Variants in TTPA observed in about 807,000 individuals in gnomAD.
TTPA encodes the protein alpha tocopherol transfer protein, also known as alpha-tocopherol transfer protein.
In TTPA, 23 loss-of-function variants were observed where a neutral mutation model predicts 25.9. The ratio of observed to expected loss-of-function variants is 0.89; its 90% CI spans 0.64 to 1.26. The LOEUF is 1.26. Ranked by LOEUF, TTPA falls within the 50% of genes most tolerant of loss-of-function variation. The pLI, the probability that TTPA is intolerant of heterozygous loss-of-function variation, is 0.00. For missense variants in TTPA, 337 were observed against 353.1 expected (o/e 0.95, Z 0.37); for synonymous variants, 148 against 137.3 (o/e 1.08, Z -0.54).
At chr8:63,085,232 G>A (rs546030880) in intron 1 of TTPA, among the ~76,000 whole-genome samples, 2 of 152,262 alleles carry the variant, frequency 1.3e-5, no homozygotes, top group African/African-American at 4.8e-5. Context: ...CTTTCAGTGA[G>A]CTGTAACATA....
Position 63,063,023 on chromosome 8 carries a change from A to G in TTPA, c.663+1183T>C, listed in dbSNP as rs557617239. Reference sequence around the variant, plus strand: ...GAAGCATCCACTGCATAACCTCTAAAGAAGCTCTAGGGTCATAACTTTCTG... The same window carrying G: ...GAAGCATCCACTGCATAACCTCTAAGGAAGCTCTAGGGTCATAACTTTCTG... On this transcript the variant is annotated intron_variant, in intron 4 of 4. Transcript: ENST00000260116. Among the ~76,000 whole-genome samples the G allele has an allele frequency of 1.4e-4, 21 of 152,322 alleles. No individual in the cohort carries two copies. The East Asian group carries it at 3.9e-3, about 28-fold the overall frequency.
chr8:63,083,625 T>TA (rs1478218508), intron 1 of TTPA, among the ~76,000 whole-genome samples: 5 of 137,196 alleles, frequency 3.6e-5, no homozygotes, highest in African/African-American at 1.4e-4. Flanking sequence ...CCCTAAAACT[T>TA]AAAGTATAAT....
At chr8:63,071,318 G>A (rs1805479411) in intron 2 of TTPA, among the ~76,000 whole-genome samples, 2 of 152,184 alleles carry the variant, frequency 1.3e-5, no homozygotes, top group Admixed American at 1.3e-4. Flanking sequence ...CTTGCAGTAT[G>A]GCAAGCAGTT....
At position 63,059,632 on chromosome 8, in the gene TTPA, T is replaced by C. The variant is rs1018871103; in HGVS notation, c.*1620A>G. Among the ~76,000 whole-genome samples, 2 of 152,074 alleles carry C rather than the reference T, an allele frequency of 1.3e-5. No homozygotes were observed. The highest frequency in any genetic ancestry group is 2.1e-4 in the South Asian group (1 of 4,834). ...CTACATTTTCAAGTTTATAACAAAATTAAGAAATTATAAAATACTAAGTAT... is the reference window on the plus strand; with the variant it reads ...CTACATTTTCAAGTTTATAACAAAACTAAGAAATTATAAAATACTAAGTAT... On this transcript the variant is annotated 3_prime_UTR_variant, in exon 5 of 5. Coordinates refer to ENST00000260116, the MANE Select transcript of TTPA (RefSeq NM_000370.3).
At chr8:63,067,089 T>A (rs1201143272) in intron 2 of TTPA, among the ~76,000 whole-genome samples, 1 of 151,944 alleles carries the variant, frequency 6.6e-6, no homozygotes, top group African/African-American at 2.4e-5. Flanking sequence ...AGCGTAATAG[T>A]TTCAGCAGGG....
intron 4 of TTPA, among the ~76,000 whole-genome samples, chr8:63,063,187 T>C (rs557432826): frequency 2.0e-5 from 3 of 152,336 alleles, no homozygotes; most frequent in Admixed American, 6.5e-5. Context: ...CTTTACAAAT[T>C]GTTTTGTGTT....
chr8:63,080,496 C>T (rs983627677), intron 1 of TTPA, among the ~76,000 whole-genome samples: 6 of 151,948 alleles, frequency 3.9e-5, no homozygotes, highest in South Asian at 4.1e-4. Flanking sequence ...CCAAGGCAGG[C>T]GGATCACGAC....
At chr8:63,065,698 A>T (rs1805378261) in intron 3 of TTPA, among the ~76,000 whole-genome samples, 1 of 152,126 alleles carries the variant, frequency 6.6e-6, no homozygotes, top group Admixed American at 6.6e-5. Context: ...ATTTGAACAT[A>T]TTTTTGCAGT....
intron 1 of TTPA, among the ~76,000 whole-genome samples, chr8:63,078,547 G>C (rs963032500): frequency 3.3e-5 from 5 of 152,160 alleles, no homozygotes; most frequent in African/African-American, 1.2e-4. Flanking sequence ...GCACGCACAA[G>C]CTTCAGTAGC....
chr8:63,064,221 T>C lies in TTPA; in HGVS notation c.648A>G (p.Glu216=). The C allele has an allele frequency of 6.2e-7, 1 of 1,612,356 alleles. No individual in the cohort carries two copies. The highest frequency in any genetic ancestry group is 8.5e-7 in the Non-Finnish European group (1 of 1,178,852). ...VFSMIKPFLT[E]KIKERIHMHG... The stretch of plus-strand genomic sequence containing the variant: ...TTTTACTCACCCGTTCCTTAATTTT[T>C]TCAGTCAGGAATGGTTTGATCATGG... Residue 216 remains glutamate (E), a synonymous_variant, in exon 4 of 5, where the codon GAA becomes GAG. Transcript: ENST00000260116.
rs978433525 is a variant in TTPA at position 63,068,733 on chromosome 8, A to T, written c.359-2636T>A. Among the ~76,000 whole-genome samples, 18 of 152,214 alleles carry T rather than the reference A, an allele frequency of 1.2e-4. 1 individual carries two copies. The highest frequency in any genetic ancestry group is 4.4e-5 in the Non-Finnish European group (3 of 68,034). ...TGTAGTAGCAAGAGAAAAGTTGAAG[A>T]TCTAGAAAAAGAAAGAATAAACAGA... On this transcript the variant is annotated intron_variant, in intron 2 of 4. Coordinates refer to ENST00000260116, the MANE Select transcript of TTPA (RefSeq NM_000370.3).
At chr8:63,080,958 C>T (rs1186247327) in intron 1 of TTPA, among the ~76,000 whole-genome samples, 2 of 151,432 alleles carry the variant, frequency 1.3e-5, no homozygotes, top group Non-Finnish European at 2.9e-5. Flanking sequence ...GAAGTTGAAT[C>T]TCTGAATAGA....
chr8:63,067,338 A>G (rs938351479), intron 2 of TTPA, among the ~76,000 whole-genome samples: 1 of 152,094 alleles, frequency 6.6e-6, no homozygotes, highest in African/African-American at 2.4e-5. Context: ...TAAGAAATAC[A>G]TGCAGCTGGA....
chr8:63,066,832 C>A (rs1805398331), intron 2 of TTPA, among the ~76,000 whole-genome samples: 1 of 152,106 alleles, frequency 6.6e-6, no homozygotes, highest in South Asian at 2.1e-4. Context: ...CACATCCATA[C>A]ACACACAAAG....
intron 2 of TTPA, 80 bp from the exon 3 acceptor site, chr8:63,066,177 A>T: frequency 1.5e-6 from 2 of 1,355,394 alleles, no homozygotes; most frequent in Non-Finnish European, 2.1e-6. Context: ...AATTCATTTT[A>T]TTCTTAAAAG....
At chr8:63,059,059 T>C, downstream of TTPA, among the ~76,000 whole-genome samples, 1 of 104,742 alleles carries the variant, frequency 9.5e-6, no homozygotes, top group Non-Finnish European at 1.8e-5. Context: ...TGAGACGGAG[T>C]CTCGCTCTGT....
In TTPA at chr8:63,080,768, G is replaced by T. The variant is rs1805651697; in HGVS notation, c.204+5050C>A. Among the ~76,000 whole-genome samples the T allele has an allele frequency of 4.7e-5, 7 of 148,370 alleles. No individual in the cohort carries two copies. In the South Asian group the frequency reaches 1.5e-3, roughly 32 times the overall value. On this transcript the variant is annotated intron_variant, in intron 1 of 4. Coordinates refer to ENST00000260116, the MANE Select transcript of TTPA (RefSeq NM_000370.3). Reference sequence around the variant, plus strand: ...TAATAATAATAAAGAAGAAAAGAGAGAAGAATCAAGTAATCAAATAGACAC... The same window carrying T: ...TAATAATAATAAAGAAGAAAAGAGATAAGAATCAAGTAATCAAATAGACAC...
rs565004564 is a variant in TTPA, at chr8:63,068,006, A to AAG, written c.359-1911_359-1910dup. Among the ~76,000 whole-genome samples, 81 of 152,310 alleles carry AAG rather than the reference A, an allele frequency of 5.3e-4. No homozygotes were observed. In the Middle Eastern group the frequency reaches 0.014, roughly 26 times the overall value. On this transcript the variant is annotated intron_variant, in intron 2 of 4. Transcript: ENST00000260116. The stretch of plus-strand genomic sequence containing the variant: ...TACACGCAGTACCATTTATTGAGAT[A>AAG]AGAGACCTGTTTGGGTGGAAAAGAT...
chr8:63,086,044 G>T lies in TTPA; in HGVS notation c.-23C>A. On this transcript the variant is annotated 5_prime_UTR_variant, in exon 1 of 5. Transcript: ENST00000260116. ...CATGCCCGCCGCCGCTGCTGCGGCC[G>T]CAGCTACCCGGGCACCCGGGAAAAG... 1 of 1,394,374 alleles carries T rather than the reference G, an allele frequency of 7.2e-7. No homozygotes were observed. Among genetic ancestry groups the T allele is most frequent in the Non-Finnish European group, 9.3e-7 (1 of 1,073,636 alleles). 86.4% of individuals were successfully genotyped at this position (1,394,374 alleles called of 1,614,324 possible). A position where few individuals can be genotyped will look rare whatever the true frequency, so the allele number is the denominator to read the frequency against.
Sources: gnomAD v4.1 joint callset for allele counts (sites outside exome capture counted in the v4.1 genomes callset) on GRCh38, gnomAD v4.1.1 for gene constraint, MANE v1.5 for transcripts, NCBI Gene and HGNC (gene_info 2026-07-23, HGNC 2026-07-21) for gene names.